The following DOCK4 variants were observed in gnomAD, a reference collection of about 807,000 sequenced individuals.
DOCK4 encodes the protein dedicator of cytokinesis 4, also known as dedicator of cytokinesis protein 4.
Under a neutral mutation model 268.1 loss-of-function variants are expected in DOCK4, and 97 were observed. That is an observed-to-expected ratio of 0.36 (90% CI 0.31 to 0.43). The LOEUF (loss-of-function observed/expected upper bound fraction) is 0.43, where lower values mean the gene tolerates loss of function less well. Among genes scored for constraint, DOCK4 ranks in the 20% least tolerant of loss-of-function variants. The pLI is 1.00. For synonymous variants in DOCK4, 954 were observed against 887.2 expected (o/e 1.08, Z -1.34); for missense variants, 2,145 against 2,455.7 (o/e 0.87, Z 2.67).
At chr7:112,092,952 C>A (rs1809771659) in intron 1 of DOCK4, among the ~76,000 whole-genome samples, 1 of 152,014 alleles carries the variant, frequency 6.6e-6, no homozygotes, top group African/African-American at 2.4e-5. Context: ...TCTTTACCTG[C>A]CTAGTAACTG....
At chr7:112,173,980 C>T (rs1462560117) in intron 1 of DOCK4, among the ~76,000 whole-genome samples, 1 of 152,076 alleles carries the variant, frequency 6.6e-6, no homozygotes, top group Non-Finnish European at 1.5e-5. Context: ...CTTCAGCCTT[C>T]CCATGCAGGG....
chr7:112,138,081 G>A (rs375628540), intron 1 of DOCK4, among the ~76,000 whole-genome samples: 2 of 152,022 alleles, frequency 1.3e-5, no homozygotes, highest in Non-Finnish European at 2.9e-5. Context: ...CTACTTCTGG[G>A]TCCACTCCAA....
chr7:112,018,422 G>C (rs1422189960), intron 1 of DOCK4, among the ~76,000 whole-genome samples: 1 of 152,102 alleles, frequency 6.6e-6, no homozygotes, highest in Non-Finnish European at 1.5e-5. Context: ...TACCAACTCA[G>C]CACTTATCAA....
intron 9 of DOCK4, 106 bp from the exon 10 acceptor site, chr7:111,944,977 T>C (rs1465855413): frequency 2.3e-6 from 2 of 867,332 alleles, no homozygotes; most frequent in Non-Finnish European, 3.8e-6. Context: ...ACACAGACAT[T>C]CTTAATGGAA....
intron 16 of DOCK4, among the ~76,000 whole-genome samples, chr7:111,886,818 T>C (rs1586270110): frequency 1.3e-5 from 2 of 152,192 alleles, no homozygotes; most frequent in Non-Finnish European, 2.9e-5. Context: ...AATTTAGTTT[T>C]GATAAATATA....
chr7:112,029,511 A>G (rs1043879680), intron 1 of DOCK4, among the ~76,000 whole-genome samples: 1 of 152,238 alleles, frequency 6.6e-6, no homozygotes, highest in Non-Finnish European at 1.5e-5. Flanking sequence ...GAGACCAGCA[A>G]TTGGTGTTTG....
intron 16 of DOCK4, among the ~76,000 whole-genome samples, chr7:111,893,314 G>A (rs778516031): frequency 3.9e-5 from 6 of 152,122 alleles, no homozygotes; most frequent in East Asian, 1.9e-4. Context: ...TATGGTTCAC[G>A]CTCACGAAGA....
At chr7:112,046,602 T>C (rs1315728527) in intron 1 of DOCK4, among the ~76,000 whole-genome samples, 1 of 152,198 alleles carries the variant, frequency 6.6e-6, no homozygotes, top group Non-Finnish European at 1.5e-5. Flanking sequence ...GAGGATCACT[T>C]GAGCCATGAT....
At chr7:111,962,265 T>A (rs144966913) in intron 8 of DOCK4, among the ~76,000 whole-genome samples, 2 of 152,332 alleles carry the variant, frequency 1.3e-5, no homozygotes, top group Non-Finnish European at 2.9e-5. Context: ...TCAACACATA[T>A]TATTTCTGGT....
intron 26 of DOCK4, among the ~76,000 whole-genome samples, chr7:111,832,284 C>G (rs1257294283): frequency 6.6e-6 from 1 of 152,130 alleles, no homozygotes; most frequent in Non-Finnish European, 1.5e-5. Flanking sequence ...TGCCTTGAGT[C>G]TGGGTTGGCA....
chr7:111,987,733 GACAT>G (rs1300751201), intron 6 of DOCK4, among the ~76,000 whole-genome samples: 1 of 152,214 alleles, frequency 6.6e-6, no homozygotes, highest in African/African-American at 2.4e-5. Context: ...ATGAGGAACT[GACAT>G]GAAGAGGGTT....
intron 36 of DOCK4, among the ~76,000 whole-genome samples, chr7:111,773,757 C>G (rs1317223044): frequency 6.6e-6 from 1 of 152,012 alleles, no homozygotes; most frequent in East Asian, 1.9e-4. Flanking sequence ...TAGCTCACAT[C>G]TGTAATCCCA....
At chr7:111,864,855 T>C (rs530678822) in intron 22 of DOCK4, among the ~76,000 whole-genome samples, 1 of 152,212 alleles carries the variant, frequency 6.6e-6, no homozygotes, top group Admixed American at 6.5e-5. Context: ...GTCAACTAAG[T>C]TGATTTTCCT....
chr7:112,014,734 A>T (rs1194407340), intron 1 of DOCK4, among the ~76,000 whole-genome samples: 1 of 152,110 alleles, frequency 6.6e-6, no homozygotes, highest in African/African-American at 2.4e-5. Context: ...TTAATTTCAG[A>T]TTTATAAGAA....
chr7:111,839,973 C>G (rs766329423), intron 25 of DOCK4, among the ~76,000 whole-genome samples: 15 of 152,048 alleles, frequency 9.9e-5, no homozygotes, highest in Non-Finnish European at 1.8e-4. Context: ...AAGAATGTAT[C>G]TGTATGAAAA....
intron 1 of DOCK4, among the ~76,000 whole-genome samples, chr7:112,079,891 T>C (rs1257950940): frequency 2.6e-5 from 4 of 152,152 alleles, no homozygotes; most frequent in Non-Finnish European, 5.9e-5. Context: ...TTAGGAACAA[T>C]GGGTAGAAGT....
chr7:111,876,982 A>G, intron 17 of DOCK4, 48 bp downstream of exon 17: 2 of 1,323,812 alleles, frequency 1.5e-6, no homozygotes, highest in Non-Finnish European at 2.0e-6. Flanking sequence ...ACCAAAATAT[A>G]CATGATTATT....
At chr7:112,071,695 C>T (rs1001930320) in intron 1 of DOCK4, among the ~76,000 whole-genome samples, 1 of 152,142 alleles carries the variant, frequency 6.6e-6, no homozygotes, top group African/African-American at 2.4e-5. Flanking sequence ...TCTAACCTTT[C>T]AATGTATTTT....
chr7:111,811,575 AT>A (rs1473294817), intron 28 of DOCK4, among the ~76,000 whole-genome samples: 1 of 152,276 alleles, frequency 6.6e-6, no homozygotes, highest in African/African-American at 2.4e-5. Context: ...TATAAACTCC[AT>A]TTCTAAAAAG....
Sources: gnomAD v4.1 joint callset for allele counts (sites outside exome capture counted in the v4.1 genomes callset) on GRCh38, gnomAD v4.1.1 for gene constraint, MANE v1.5 for transcripts, NCBI Gene and HGNC (gene_info 2026-07-23, HGNC 2026-07-21) for gene names.